The following TMEM117 variants were observed in gnomAD, a reference collection of about 807,000 sequenced individuals.
TMEM117 encodes transmembrane protein 117.
A neutral mutation model predicts 52.4 loss-of-function variants in TMEM117; 27 were observed. That is an observed-to-expected ratio of 0.51 (90% CI 0.38 to 0.71). The LOEUF is 0.71. Among genes scored for constraint, TMEM117 ranks in the 30% least tolerant of loss-of-function variants. The pLI is 0.00. For missense variants in TMEM117, 556 were observed against 630.5 expected (o/e 0.88, Z 1.26); for synonymous variants, 215 against 206.3 (o/e 1.04, Z -0.36).
At chr12:43,851,369 T>C (rs1047449597) in intron 2 of TMEM117, among the ~76,000 whole-genome samples, 2 of 152,170 alleles carry the variant, frequency 1.3e-5, no homozygotes, top group African/African-American at 4.8e-5. Context: ...TAAAATGGAA[T>C]CTTTGGGTAT....
At chr12:43,963,450 A>G (rs1945436537) in intron 3 of TMEM117, among the ~76,000 whole-genome samples, 1 of 151,860 alleles carries the variant, frequency 6.6e-6, no homozygotes, top group African/African-American at 2.4e-5. Flanking sequence ...TGAGACATCA[A>G]CAACATTTCA....
intron 6 of TMEM117, among the ~76,000 whole-genome samples, chr12:44,347,224 C>T (rs756178966): frequency 6.6e-6 from 1 of 152,030 alleles, no homozygotes; most frequent in Non-Finnish European, 1.5e-5. Flanking sequence ...GTTTTTCCCA[C>T]AGGTAACAGA....
At position 44,181,736 on chromosome 12, in the gene TMEM117, A is replaced by T. The variant is rs7132799; in HGVS notation, c.511-29554A>T. 4.5e-3 allele frequency among the ~76,000 whole-genome samples: 676 copies of T among 150,676 alleles called. 5 individuals carry two copies. The highest frequency in any genetic ancestry group is 0.016 in the African/African-American group (644 of 41,206). On this transcript the variant is annotated intron_variant, in intron 4 of 7. Coordinates refer to ENST00000266534, the MANE Select transcript of TMEM117 (RefSeq NM_032256.3). The stretch of plus-strand genomic sequence containing the variant: ...ATATCTCTGTTTTGGTACCAGTACC[A>T]TGCTGTTTTGGTTACTGTAGCCTTG...
At chr12:44,262,310 T>C (rs73086748) in intron 5 of TMEM117, among the ~76,000 whole-genome samples, 4,498 of 152,292 alleles carry the variant, frequency 0.03, 88 homozygotes, top group Non-Finnish European at 0.033. Context: ...TAGGAAGCTA[T>C]GTAATATAAA....
the TMEM117 span, among the ~76,000 whole-genome samples, chr12:43,822,902 GAA>G: frequency 1.2e-4 from 16 of 128,532 alleles, no homozygotes; most frequent in Non-Finnish European, 2.2e-4. Flanking sequence ...ACCCTGTCTC[GAA>G]AAAAAAAAAA....
At chr12:44,058,194 G>T (rs1947087566) in intron 3 of TMEM117, among the ~76,000 whole-genome samples, 1 of 151,886 alleles carries the variant, frequency 6.6e-6, no homozygotes, top group African/African-American at 2.4e-5. Context: ...ATCAGAGAGT[G>T]GGCAATTTAA....
At chr12:44,246,628 A>G (rs1950133498) in intron 5 of TMEM117, among the ~76,000 whole-genome samples, 1 of 152,160 alleles carries the variant, frequency 6.6e-6, no homozygotes, top group Non-Finnish European at 1.5e-5. Context: ...CTTTTAATAT[A>G]TACACAAACT....
At chr12:44,350,543 G>A (rs1250529600) in intron 6 of TMEM117, among the ~76,000 whole-genome samples, 6 of 151,602 alleles carry the variant, frequency 4.0e-5, no homozygotes, top group Admixed American at 6.6e-5. Flanking sequence ...TCTGGCAACC[G>A]TTCTTCTACT....
At chr12:44,187,885 T>C (rs1409764956) in intron 4 of TMEM117, among the ~76,000 whole-genome samples, 2 of 152,154 alleles carry the variant, frequency 1.3e-5, no homozygotes, top group African/African-American at 4.8e-5. Context: ...ATCTATCTAT[T>C]CACTACCTCT....
intron 4 of TMEM117, among the ~76,000 whole-genome samples, chr12:44,200,893 G>C (rs577036055): frequency 6.6e-6 from 1 of 152,192 alleles, no homozygotes; most frequent in South Asian, 2.1e-4. Context: ...CTTGGATACA[G>C]AAAGTCTGGA....
At chr12:44,254,748 G>A (rs944769922) in intron 5 of TMEM117, among the ~76,000 whole-genome samples, 3 of 151,956 alleles carry the variant, frequency 2.0e-5, no homozygotes. Flanking sequence ...ATGTTGATGT[G>A]CTGCACCCAT....
chr12:44,339,632 G>A (rs1057096903), intron 6 of TMEM117, among the ~76,000 whole-genome samples: 1 of 151,822 alleles, frequency 6.6e-6, no homozygotes, highest in Non-Finnish European at 1.5e-5. Flanking sequence ...AAAATACAAT[G>A]AAAGATGTTA....
chr12:44,398,378 C>T, the TMEM117 span, among the ~76,000 whole-genome samples: 1 of 152,118 alleles, frequency 6.6e-6, no homozygotes, highest in African/African-American at 2.4e-5. Flanking sequence ...CAGTTTGAAG[C>T]AGGAAGCATT....
intron 6 of TMEM117, among the ~76,000 whole-genome samples, chr12:44,330,546 AT>A (rs1054699762): frequency 1.3e-5 from 2 of 152,024 alleles, no homozygotes; most frequent in African/African-American, 2.4e-5. Context: ...GATATTTTAC[AT>A]TTTTTTCATA....
chr12:43,806,379 G>A, the TMEM117 span: 2 of 1,206,970 alleles, frequency 1.7e-6, no homozygotes, highest in Non-Finnish European at 2.1e-6. Context: ...CCCGCCCCGT[G>A]AGGTTGACTG....
At chr12:44,296,168 G>C (rs1417532741) in intron 5 of TMEM117, among the ~76,000 whole-genome samples, 1 of 152,184 alleles carries the variant, frequency 6.6e-6, no homozygotes, top group South Asian at 2.1e-4. Flanking sequence ...GCAAGGGTGT[G>C]CTTTAGATTC....
rs115406044 is a variant in TMEM117, at chr12:44,236,920, A to G, written c.608+25533A>G. Among the ~76,000 whole-genome samples the G allele has an allele frequency of 8.2e-3, 1,241 of 152,086 alleles. 13 individuals are homozygous for G. The highest frequency in any genetic ancestry group is 0.028 in the African/African-American group (1,182 of 41,498). On this transcript the variant is annotated intron_variant, in intron 5 of 7. Coordinates refer to ENST00000266534, the MANE Select transcript of TMEM117 (RefSeq NM_032256.3). ...AAGGATGTAGTCTTTCATGCTCCCAACTTAAAGTCAGGAAGGAATTATCAG... is the reference window on the plus strand; with the variant it reads ...AAGGATGTAGTCTTTCATGCTCCCAGCTTAAAGTCAGGAAGGAATTATCAG...
At chr12:44,297,143 AG>A (rs1249277379) in intron 5 of TMEM117, among the ~76,000 whole-genome samples, 64 of 152,324 alleles carry the variant, frequency 4.2e-4, no homozygotes, top group African/African-American at 1.5e-3. Context: ...ATATTGTACT[AG>A]ATGAGGTTTC....
chr12:44,182,513 TA>T (rs1175672214), intron 4 of TMEM117, among the ~76,000 whole-genome samples: 2 of 152,176 alleles, frequency 1.3e-5, no homozygotes, highest in African/African-American at 2.4e-5. Context: ...CGCTTCATGC[TA>T]AAAACTCTCA....
Sources: allele counts gnomAD v4.1 joint callset (sites outside exome capture counted in the v4.1 genomes callset), GRCh38; gene constraint gnomAD v4.1.1; transcripts MANE v1.5; gene names NCBI Gene and HGNC (gene_info 2026-07-23, HGNC 2026-07-21).